Variants in PARD3B observed in about 807,000 individuals in gnomAD.
PARD3B encodes the protein par-3 family cell polarity regulator beta.
In PARD3B, 103 loss-of-function variants were observed where a neutral mutation model predicts 130.2. The observed-to-expected ratio is 0.79, with a 90% CI of 0.67 to 0.93. The LOEUF is 0.93. Ranked by LOEUF, PARD3B falls within the 40% of genes least tolerant of loss-of-function variation. The probability of loss-of-function intolerance (pLI) is 0.00; values close to 1 mark genes in which losing one functional copy is unlikely to be tolerated. For synonymous variants in PARD3B, 583 were observed against 553.2 expected (o/e 1.05, Z -0.76); for missense variants, 1,609 against 1,499.2 (o/e 1.07, Z -1.21).
At chr2:205,012,426 G>T (rs1483628534) in intron 3 of PARD3B, among the ~76,000 whole-genome samples, 1 of 152,142 alleles carries the variant, frequency 6.6e-6, no homozygotes, top group Non-Finnish European at 1.5e-5. Flanking sequence ...CAAAATGTTA[G>T]CAGACTAATC....
intron 15 of PARD3B, among the ~76,000 whole-genome samples, chr2:205,240,818 A>G (rs2039320165): frequency 6.6e-6 from 1 of 152,202 alleles, no homozygotes; most frequent in South Asian, 2.1e-4. Context: ...TCCCCCAGTG[A>G]GAATGCATTT....
chr2:204,859,179 A>G (rs1024826701), intron 2 of PARD3B, among the ~76,000 whole-genome samples: 10 of 152,074 alleles, frequency 6.6e-5, no homozygotes, highest in African/African-American at 2.2e-4. Context: ...TCTTGAAGTG[A>G]GCAGAATATG....
intron 21 of PARD3B, among the ~76,000 whole-genome samples, chr2:205,511,383 A>G (rs1364620113): frequency 6.6e-6 from 1 of 152,218 alleles, no homozygotes; most frequent in East Asian, 1.9e-4. Context: ...ATTAGAGTGA[A>G]AAAAAGAACT....
chr2:204,603,790 T>G (rs192147768), intron 1 of PARD3B, among the ~76,000 whole-genome samples: 86 of 152,216 alleles, frequency 5.6e-4, no homozygotes, highest in African/African-American at 1.9e-3. Flanking sequence ...TGCTTCAAAG[T>G]TGGAGGAGTG....
chr2:204,646,722 C>G (rs2125161807), intron 1 of PARD3B, among the ~76,000 whole-genome samples: 1 of 152,102 alleles, frequency 6.6e-6, no homozygotes. Flanking sequence ...GTTCATATTT[C>G]TATTATCAGA....
intron 16 of PARD3B, among the ~76,000 whole-genome samples, chr2:205,297,383 G>T (rs1169673227): frequency 6.6e-6 from 1 of 152,134 alleles, no homozygotes; most frequent in African/African-American, 2.4e-5. Flanking sequence ...ACTGAAATTG[G>T]TGAGAGTAGG....
rs112664478 is a variant in PARD3B, at chr2:205,422,301, G to A, written c.2742-18069G>A. ...CATAAGCCAGAGTCACAGAGGAGGC[G>A]GTGACCGAGTGGATAGCGTCACAGA... On this transcript the variant is annotated intron_variant, in intron 19 of 22. Coordinates refer to ENST00000406610, the MANE Select transcript of PARD3B (RefSeq NM_001302769.2). Among the ~76,000 whole-genome samples, 946 of 152,226 alleles carry A rather than the reference G, an allele frequency of 6.2e-3. 15 individuals carry two copies. The highest frequency in any genetic ancestry group is 0.021 in the African/African-American group (887 of 41,514).
At chr2:205,489,497 G>GTGTT (rs1559141196) in intron 20 of PARD3B, among the ~76,000 whole-genome samples, 11 of 60,768 alleles carry the variant, frequency 1.8e-4, no homozygotes, top group African/African-American at 6.2e-4. Context: ...ATATATGTGT[G>GTGTT]TATATATATA....
rs544598927 is a variant in PARD3B, at chr2:205,166,326, TG to T, written c.1621-5881del. On this transcript the variant is annotated intron_variant, in intron 11 of 22. Coordinates refer to ENST00000406610, the MANE Select transcript of PARD3B (RefSeq NM_001302769.2). ...AAGGAAGGCAATTGCAAGGCTTGCT[TG>T]GGGTGAGGAGTAAGTAGACTTTGAA... Among the ~76,000 whole-genome samples, 219 of 152,192 alleles carry T rather than the reference TG, an allele frequency of 1.4e-3. 1 individual carries two copies. Among genetic ancestry groups the T allele is most frequent in the Non-Finnish European group, 2.0e-3 (134 of 68,004 alleles).
chr2:205,032,910 A>G (rs1697527367), intron 3 of PARD3B, among the ~76,000 whole-genome samples: 1 of 152,186 alleles, frequency 6.6e-6, no homozygotes, highest in Admixed American at 6.6e-5. Context: ...TGACTTGTGG[A>G]TGTTTCTCAT....
At chr2:205,140,647 T>C (rs2125671428) in intron 10 of PARD3B, among the ~76,000 whole-genome samples, 1 of 152,280 alleles carries the variant, frequency 6.6e-6, no homozygotes, top group African/African-American at 2.4e-5. Flanking sequence ...TTGATTTTTC[T>C]AATAGATATT....
chr2:204,791,512 T>G (rs2042205557), intron 2 of PARD3B, among the ~76,000 whole-genome samples: 1 of 152,220 alleles, frequency 6.6e-6, no homozygotes, highest in Admixed American at 6.5e-5. Context: ...AATAAAAGTT[T>G]CAAAGAATCA....
chr2:204,969,991 G>A (rs955694787), intron 3 of PARD3B, among the ~76,000 whole-genome samples: 1 of 151,986 alleles, frequency 6.6e-6, no homozygotes, highest in African/African-American at 2.4e-5. Flanking sequence ...CCATAGATGT[G>A]GGGTTTTTTT....
rs761085690 is a variant in PARD3B at position 205,047,587 on chromosome 2, C to T, written c.401C>T (p.Pro134Leu). ...CTCTCACTTTGTCTTCCAGGCACTC[C>T]ACTGCTGGTGAGGAGAAGCAGTGAC... ...VTPSALKLGT[P>L]LLVRRSSDPV... The change falls in exon 4 of 23, where the codon CCA becomes CTA. Residue 134 changes from proline to leucine, a missense_variant. Coordinates refer to ENST00000406610, the MANE Select transcript of PARD3B (RefSeq NM_001302769.2). 1 of 1,548,796 alleles carries T rather than the reference C, an allele frequency of 6.5e-7. No individual in the cohort carries two copies. Among genetic ancestry groups the T allele is most frequent in the Non-Finnish European group, 8.7e-7 (1 of 1,145,842 alleles).
chr2:205,047,732 T>C, intron 4 of PARD3B, 42 bp downstream of exon 4: 1 of 1,404,378 alleles, frequency 7.1e-7, no homozygotes, highest in Non-Finnish European at 9.8e-7. Context: ...AAGATCAAAG[T>C]GCTGTACCCA....
intron 19 of PARD3B, among the ~76,000 whole-genome samples, chr2:205,422,822 G>C (rs1042463339): frequency 5.0e-5 from 2 of 40,048 alleles, no homozygotes; most frequent in African/African-American, 1.9e-4. Context: ...CCATGGTCAG[G>C]ACTGAGAATA....
chr2:204,646,645 A>C lies in PARD3B; in HGVS notation c.121-39536A>C, dbSNP rs143415445. The stretch of plus-strand genomic sequence containing the variant: ...TCTTCCTTAATTTATAGATGAGTGG[A>C]TCATAGGGTTATATTCATTTTCCAC... On this transcript the variant is annotated intron_variant, in intron 1 of 22. Transcript: ENST00000406610. Among the ~76,000 whole-genome samples, 16 of 152,120 alleles carry C rather than the reference A, an allele frequency of 1.1e-4. No homozygotes were observed. The East Asian group carries it at 1.2e-3, about 11-fold the overall frequency.
rs532915912 is a variant in PARD3B at position 204,959,967 on chromosome 2, T to G, written c.223-5185T>G. 3.3e-5 allele frequency among the ~76,000 whole-genome samples: 5 copies of G among 152,318 alleles called. No individual in the cohort carries two copies. In the South Asian group the frequency reaches 1.0e-3, roughly 32 times the overall value. ...GTGAACCTCTTTCTCTCAAACAGGGTTACCCAAATCATGAGATAAACATTT... is the reference window on the plus strand; with the variant it reads ...GTGAACCTCTTTCTCTCAAACAGGGGTACCCAAATCATGAGATAAACATTT... On this transcript the variant is annotated intron_variant, in intron 2 of 22. Coordinates refer to ENST00000406610, the MANE Select transcript of PARD3B (RefSeq NM_001302769.2).
intron 15 of PARD3B, among the ~76,000 whole-genome samples, chr2:205,219,027 C>T (rs2038096593): frequency 6.6e-6 from 1 of 151,438 alleles, no homozygotes; most frequent in Non-Finnish European, 1.5e-5. Flanking sequence ...TTACGGTGAG[C>T]TGAGATTGCA....
Sources: gnomAD v4.1 joint callset for allele counts (sites outside exome capture counted in the v4.1 genomes callset) on GRCh38, gnomAD v4.1.1 for gene constraint, MANE v1.5 for transcripts, NCBI Gene and HGNC (gene_info 2026-07-23, HGNC 2026-07-21) for gene names.